The following MAPRE3 variants were observed in gnomAD, a reference collection of about 807,000 sequenced individuals.
MAPRE3 encodes microtubule associated protein RP/EB family member 3, also known as microtubule-associated protein RP/EB family member 3.
A neutral mutation model predicts 30.5 loss-of-function variants in MAPRE3; 2 were observed. That is an observed-to-expected ratio of 0.07 (90% CI 0.03 to 0.21). The LOEUF (loss-of-function observed/expected upper bound fraction) is 0.21. Among genes scored for constraint, MAPRE3 ranks in the 10% least tolerant of loss-of-function variants. The pLI, the probability that MAPRE3 is intolerant of heterozygous loss-of-function variation, is 1.00. For synonymous variants in MAPRE3, 110 were observed against 127.7 expected (o/e 0.86, Z 0.93); for missense variants, 204 against 351.8 (o/e 0.58, Z 3.36).
intron 1 of MAPRE3, chr2:27,002,060 T>C (rs1666612861): frequency 6.6e-6 from 1 of 152,274 alleles, no homozygotes; most frequent in Non-Finnish European, 1.5e-5. Flanking sequence ...TGCTTTACGG[T>C]CTCAAGGTGG....
intron 1 of MAPRE3, among the ~76,000 whole-genome samples, chr2:26,999,867 A>T (rs982761340): frequency 6.6e-6 from 1 of 152,060 alleles, no homozygotes; most frequent in Non-Finnish European, 1.5e-5. Flanking sequence ...TTTTTTAACC[A>T]TTTTAGTGGA....
At chr2:27,013,922 T>A (rs149830840) in intron 1 of MAPRE3, 1 of 152,350 alleles carries the variant, frequency 6.6e-6, no homozygotes, top group African/African-American at 2.4e-5. Flanking sequence ...AACAGCCCCA[T>A]GCTCAATCAT....
chr2:26,998,334 C>T (rs1397862536), intron 1 of MAPRE3, among the ~76,000 whole-genome samples: 1 of 152,184 alleles, frequency 6.6e-6, no homozygotes, highest in Non-Finnish European at 1.5e-5. Flanking sequence ...TGGTCTTTCT[C>T]TTTAAACAGG....
At position 27,025,980 on chromosome 2, in the gene MAPRE3, G is replaced by A; in HGVS notation, c.725G>A (p.Ser242Asn). The A allele has an allele frequency of 6.2e-7, 1 of 1,614,238 alleles. No homozygotes were observed. Among genetic ancestry groups the A allele is most frequent in the Non-Finnish European group, 8.5e-7 (1 of 1,180,028 alleles). The change falls in exon 6 of 7, where the codon AGT becomes AAT. Residue 242 changes from serine (S) to asparagine (N), a missense_variant. Physicochemically the swap from Ser to Asn is conservative, Grantham distance 46 (BLOSUM62 1). Around this residue, in one of 5 missense-constraint regions of MAPRE3, gnomAD observed 42 missense variants for 81.2 expected, o/e 0.52. Coordinates refer to ENST00000233121, the MANE Select transcript of MAPRE3 (RefSeq NM_012326.4). ...GAGCTCATCTGCCAGGAGCATGAAA[G>A]TGAAAACAGCCCTGTTATCTCAGGC... ...DIELICQEHE[S>N]ENSPVISGII...
At chr2:27,008,673 G>T (rs1216083406) in intron 1 of MAPRE3, among the ~76,000 whole-genome samples, 1 of 152,106 alleles carries the variant, frequency 6.6e-6, no homozygotes, top group Non-Finnish European at 1.5e-5. Flanking sequence ...ACAGTTCCTA[G>T]AGGACAGAAA....
intron 1 of MAPRE3, chr2:27,013,178 G>A (rs1666898885): frequency 6.6e-6 from 1 of 152,596 alleles, no homozygotes; most frequent in Non-Finnish European, 1.5e-5. Flanking sequence ...GGCAGCTGCT[G>A]CAGCTCCCTT....
At chr2:27,014,860 G>A (rs1339366749) in intron 1 of MAPRE3, 1 of 152,386 alleles carries the variant, frequency 6.6e-6, no homozygotes, top group African/African-American at 2.4e-5. Context: ...CCCGGGCCTG[G>A]GCAGGAAGGG....
intron 1 of MAPRE3, among the ~76,000 whole-genome samples, chr2:27,019,783 T>C (rs1667074273): frequency 6.6e-6 from 1 of 152,222 alleles, no homozygotes; most frequent in Admixed American, 6.5e-5. Flanking sequence ...GAGGAAGAAC[T>C]AGGAATAAAG....
chr2:27,022,401 G>A, intron 2 of MAPRE3, 62 bp downstream of exon 2: 1 of 1,594,640 alleles, frequency 6.3e-7, no homozygotes, highest in African/African-American at 1.3e-5. Context: ...AGGTCGGAAG[G>A]CAGAGCAGCC....
chr2:27,025,560 C>T (rs1454744020), intron 4 of MAPRE3, 23 bp from the exon 5 acceptor site: 9 of 1,547,950 alleles, frequency 5.8e-6, no homozygotes, highest in Non-Finnish European at 7.8e-6. Flanking sequence ...CGTGGACTTA[C>T]CTGACTCTTT....
chr2:27,023,553 A>T, intron 3 of MAPRE3, 76 bp downstream of exon 3: 1 of 1,571,312 alleles, frequency 6.4e-7, no homozygotes, highest in Non-Finnish European at 8.7e-7. Flanking sequence ...AGCCCAGGCA[A>T]CTGGGGCTGC....
intron 1 of MAPRE3, among the ~76,000 whole-genome samples, chr2:26,994,759 A>G (rs996100747): frequency 6.6e-6 from 1 of 151,584 alleles, no homozygotes; most frequent in Non-Finnish European, 1.5e-5. Flanking sequence ...TGTCTATAAC[A>G]TGTAGATACT....
chr2:26,975,362 T>C (rs993466474), intron 1 of MAPRE3, among the ~76,000 whole-genome samples: 28 of 152,140 alleles, frequency 1.8e-4, no homozygotes, highest in African/African-American at 6.8e-4. Flanking sequence ...CTATTCATCT[T>C]AAGAGGGAAA....
chr2:27,012,372 G>A (rs1046173782), intron 1 of MAPRE3: 2 of 152,210 alleles, frequency 1.3e-5, no homozygotes, highest in African/African-American at 2.4e-5. Context: ...TGGGATTTGT[G>A]TTCATTTGGC....
At chr2:27,023,538 C>T in intron 3 of MAPRE3, 61 bp downstream of exon 3, 2 of 1,603,094 alleles carry the variant, frequency 1.2e-6, no homozygotes, top group Non-Finnish European at 1.7e-6. Flanking sequence ...AGAAGAGGAC[C>T]CACCAGCCCA....
intron 1 of MAPRE3, among the ~76,000 whole-genome samples, chr2:26,980,371 T>C (rs937418685): frequency 2.0e-5 from 3 of 152,246 alleles, no homozygotes; most frequent in African/African-American, 7.2e-5. Context: ...AAATATTTTA[T>C]TTTTGTAAAA....
chr2:26,974,344 TTAAAAA>T (rs1473613360), intron 1 of MAPRE3, among the ~76,000 whole-genome samples: 2 of 152,260 alleles, frequency 1.3e-5, no homozygotes, highest in African/African-American at 4.8e-5. Flanking sequence ...TCTTGCCACT[TTAAAAA>T]TAATATTTTT....
At chr2:26,972,508 G>A (rs541929457) in intron 1 of MAPRE3, among the ~76,000 whole-genome samples, 2 of 152,316 alleles carry the variant, frequency 1.3e-5, no homozygotes, top group East Asian at 3.9e-4. Flanking sequence ...TCGAATGCCA[G>A]ACTGGGGTTT....
chr2:26,998,679 A>C (rs1043266419), intron 1 of MAPRE3, among the ~76,000 whole-genome samples: 1 of 152,204 alleles, frequency 6.6e-6, no homozygotes, highest in Non-Finnish European at 1.5e-5. Context: ...CTTCTGTGTT[A>C]GAAGTATCTC....
Sources: allele counts gnomAD v4.1 joint callset (sites outside exome capture counted in the v4.1 genomes callset), GRCh38; gene constraint gnomAD v4.1.1; regional missense constraint gnomAD v4.1.1; transcripts MANE v1.5; gene names NCBI Gene and HGNC (gene_info 2026-07-23, HGNC 2026-07-21).